The following GPATCH2 variants were observed in gnomAD, a reference collection of about 807,000 sequenced individuals.
GPATCH2 encodes the protein G-patch domain containing 2, also known as G patch domain-containing protein 2.
A neutral mutation model predicts 58.0 loss-of-function variants in GPATCH2; 51 were observed. The ratio of observed to expected loss-of-function variants is 0.88; its 90% confidence interval spans 0.70 to 1.11. GPATCH2 has a LOEUF of 1.11. Among genes scored for constraint, GPATCH2 ranks in the 50% most tolerant of loss-of-function variants. The pLI is 0.00. For synonymous variants in GPATCH2, 222 were observed against 218.5 expected (o/e 1.02, Z -0.14); for missense variants, 625 against 652.2 (o/e 0.96, Z 0.45).
At chr1:217,501,052 C>T (rs574214911) in intron 6 of GPATCH2, among the ~76,000 whole-genome samples, 1 of 152,072 alleles carries the variant, frequency 6.6e-6, no homozygotes, top group African/African-American at 2.4e-5. Flanking sequence ...ATTACTACAA[C>T]GATCCTTCAT....
chr1:217,476,408 G>A (rs1038452305), intron 8 of GPATCH2, among the ~76,000 whole-genome samples: 4 of 152,072 alleles, frequency 2.6e-5, no homozygotes, highest in Non-Finnish European at 2.9e-5. Context: ...CTCATTCATA[G>A]CAACCAAAAA....
chr1:217,514,746 A>G (rs550463515), intron 6 of GPATCH2, 76 bp downstream of exon 6: 1 of 669,522 alleles, frequency 1.5e-6, no homozygotes, highest in South Asian at 1.8e-5. Flanking sequence ...AAGCTTTACT[A>G]GTAGTAGCTA....
chr1:217,476,235 A>AGTGTGTGTGTGT lies in GPATCH2; in HGVS notation c.1277+15433_1277+15444dup, dbSNP rs60995546. On this transcript the variant is annotated intron_variant, in intron 8 of 9. Coordinates refer to ENST00000366935, the MANE Select transcript of GPATCH2 (RefSeq NM_018040.5). The stretch of plus-strand genomic sequence containing the variant: ...AAAGAGGGAAAGAAATCCAGATATG[A>AGTGTGTGTGTGT]GTGTGTGTGTGTGTGTGTGTGTGTG... Among the ~76,000 whole-genome samples, 1,204 of 146,380 alleles carry AGTGTGTGTGTGT rather than the reference A, an allele frequency of 8.2e-3. 15 individuals carry two copies. Among genetic ancestry groups the AGTGTGTGTGTGT allele is most frequent in the African/African-American group, 0.028 (1,094 of 39,684 alleles).
intron 5 of GPATCH2, chr1:217,608,686 G>A: frequency 1.0e-6 from 1 of 983,976 alleles, no homozygotes; most frequent in Non-Finnish European, 1.2e-6. Flanking sequence ...AGGTTTTAAA[G>A]TGACTTATTC....
At chr1:217,626,025 G>A (rs1669438841) in intron 1 of GPATCH2, among the ~76,000 whole-genome samples, 2 of 152,062 alleles carry the variant, frequency 1.3e-5, no homozygotes, top group Non-Finnish European at 2.9e-5. Context: ...ACTGATTATA[G>A]CTATTAGGTA....
chr1:217,473,157 G>A (rs1317768018), intron 8 of GPATCH2, among the ~76,000 whole-genome samples: 1 of 152,158 alleles, frequency 6.6e-6, no homozygotes, highest in Non-Finnish European at 1.5e-5. Flanking sequence ...TGGCACATGA[G>A]TGTGTTCTGC....
At chr1:217,579,323 G>A (rs1666948569) in intron 5 of GPATCH2, among the ~76,000 whole-genome samples, 1 of 151,424 alleles carries the variant, frequency 6.6e-6, no homozygotes, top group South Asian at 2.1e-4. Context: ...ATTAAAGAGA[G>A]TAATCACACT....
intron 6 of GPATCH2, among the ~76,000 whole-genome samples, chr1:217,506,269 G>C (rs1005494439): frequency 1.8e-4 from 27 of 152,002 alleles, no homozygotes; most frequent in African/African-American, 6.0e-4. Context: ...AATTAACTTT[G>C]GAAATGGTAT....
At chr1:217,593,736 T>C (rs928621893) in intron 5 of GPATCH2, among the ~76,000 whole-genome samples, 1 of 151,114 alleles carries the variant, frequency 6.6e-6, no homozygotes, top group African/African-American at 2.5e-5. Context: ...AAAATTTTTC[T>C]ATGTTTTCGG....
intron 5 of GPATCH2, among the ~76,000 whole-genome samples, chr1:217,515,812 T>C (rs755364296): frequency 4.0e-5 from 6 of 150,926 alleles, no homozygotes; most frequent in African/African-American, 1.2e-4. Flanking sequence ...AAAAAAAAGT[T>C]TAATTAGATC....
rs902106655 is a variant in GPATCH2 at position 217,601,114 on chromosome 1, A to G, written c.1098+9207T>C. On this transcript the variant is annotated intron_variant, in intron 5 of 9. Coordinates refer to ENST00000366935, the MANE Select transcript of GPATCH2 (RefSeq NM_018040.5). ...ATAAAAAGACTAGTTGTACTGCATA[A>G]TATTTAAGTAGCCATGAAAGCAGAA... Among the ~76,000 whole-genome samples, 32 of 152,146 alleles carry G rather than the reference A, an allele frequency of 2.1e-4. 1 individual carries two copies. The highest frequency in any genetic ancestry group is 1.7e-3 in the Admixed American group (26 of 15,260).
intron 5 of GPATCH2, among the ~76,000 whole-genome samples, chr1:217,563,041 A>G (rs548403540): frequency 4.6e-5 from 7 of 152,190 alleles, no homozygotes; most frequent in Non-Finnish European, 1.0e-4. Flanking sequence ...TTCACTCCAA[A>G]CTACACTTGG....
chr1:217,570,076 A>G (rs1666459991), intron 5 of GPATCH2, among the ~76,000 whole-genome samples: 1 of 152,176 alleles, frequency 6.6e-6, no homozygotes, highest in Non-Finnish European at 1.5e-5. Context: ...CATTGTAAAG[A>G]TATTTTGATC....
At chr1:217,489,906 T>G (rs1269591598) in intron 8 of GPATCH2, among the ~76,000 whole-genome samples, 2 of 152,154 alleles carry the variant, frequency 1.3e-5, no homozygotes, top group Non-Finnish European at 2.9e-5. Flanking sequence ...TTAAAGAAAT[T>G]TTTTTTAAAA....
chr1:217,510,758 A>T (rs1361677890), intron 6 of GPATCH2, among the ~76,000 whole-genome samples: 1 of 152,110 alleles, frequency 6.6e-6, no homozygotes, highest in Non-Finnish European at 1.5e-5. Flanking sequence ...AATGACTTCT[A>T]GGTTAAGAAA....
Position 217,514,841 on chromosome 1 carries a change from G to T in GPATCH2, c.1147C>A (p.Pro383Thr). 6.6e-7 allele frequency: 1 copy of T among 1,517,606 alleles called. No homozygotes were observed. The highest frequency in any genetic ancestry group is 9.2e-7 in the Non-Finnish European group (1 of 1,092,330). 94.0% of individuals were successfully genotyped at this position (1,517,606 alleles called of 1,614,324 possible). The change falls in exon 6 of 10, where the codon CCG (proline) becomes ACG (threonine). Residue 383 changes from proline to threonine, a missense_variant. Physicochemically the swap from Pro to Thr is conservative, Grantham distance 38. Coordinates refer to ENST00000366935, the MANE Select transcript of GPATCH2 (RefSeq NM_018040.5). ...ACTCACTCATGGTGATGAGAATCCG[G>T]GGAAAAATGAACCATTCTCTTGTTA... is the stretch of plus-strand genomic sequence containing the variant. The part of the protein sequence containing the change: ...VGNKRMVHFS[P>T]DSHHHDHWFS...
intron 7 of GPATCH2, among the ~76,000 whole-genome samples, chr1:217,496,561 A>T (rs539042879): frequency 9.4e-4 from 143 of 152,304 alleles, no homozygotes; most frequent in African/African-American, 3.3e-3. Flanking sequence ...TAACTGCAAG[A>T]AGACAGTGAT....
At chr1:217,540,794 G>A (rs1321256343) in intron 5 of GPATCH2, among the ~76,000 whole-genome samples, 1 of 152,188 alleles carries the variant, frequency 6.6e-6, no homozygotes, top group African/African-American at 2.4e-5. Flanking sequence ...GGACTACGTA[G>A]CTAAAGGTGA....
At chr1:217,576,115 A>G (rs1325341617) in intron 5 of GPATCH2, among the ~76,000 whole-genome samples, 1 of 152,130 alleles carries the variant, frequency 6.6e-6, no homozygotes, top group Non-Finnish European at 1.5e-5. Flanking sequence ...TACATATCCA[A>G]ACTTCAATAT....
Sources: allele counts gnomAD v4.1 joint callset (sites outside exome capture counted in the v4.1 genomes callset), GRCh38; gene constraint gnomAD v4.1.1; transcripts MANE v1.5; gene names NCBI Gene and HGNC (gene_info 2026-07-23, HGNC 2026-07-21).